PARD3B: variants seen among roughly 807,000 people sequenced by gnomAD.
PARD3B encodes the protein par-3 family cell polarity regulator beta, also known as partitioning defective 3 homolog B.
PARD3B carries 103 observed loss-of-function variants against 130.2 expected under a neutral mutation model. That is an observed-to-expected ratio of 0.79 (90% CI 0.67 to 0.93). The LOEUF (loss-of-function observed/expected upper bound fraction) is 0.93. Ranked by LOEUF, PARD3B falls within the 40% of genes least tolerant of loss-of-function variation. PARD3B has a pLI of 0.00. For synonymous variants in PARD3B, 583 were observed against 553.2 expected, an observed-to-expected ratio of 1.05 and a Z score of -0.76; for missense variants, 1,609 against 1,499.2, an observed-to-expected ratio of 1.07 and a Z score of -1.21.
intron 4 of PARD3B, among the ~76,000 whole-genome samples, chr2:205,100,682 C>T (rs1178757579): frequency 6.6e-6 from 1 of 152,020 alleles, no homozygotes; most frequent in Admixed American, 6.6e-5. Context: ...CGGAAATATA[C>T]CCTTACATTT....
At chr2:205,414,234 C>T (rs927601347) in intron 19 of PARD3B, among the ~76,000 whole-genome samples, 5 of 152,126 alleles carry the variant, frequency 3.3e-5, no homozygotes, top group Middle Eastern at 3.2e-3. Context: ...GAGCCTTTGT[C>T]TTGTAAAATA....
At chr2:205,178,040 TCA>T (rs2035568209) in intron 13 of PARD3B, among the ~76,000 whole-genome samples, 1 of 146,728 alleles carries the variant, frequency 6.8e-6, no homozygotes, top group African/African-American at 2.5e-5. Flanking sequence ...GCACAGTGGC[TCA>T]CGCCTGTAAT....
intron 3 of PARD3B, among the ~76,000 whole-genome samples, chr2:205,020,405 G>A (rs1422495594): frequency 2.6e-5 from 4 of 152,052 alleles, no homozygotes; most frequent in Non-Finnish European, 5.9e-5. Context: ...ATTTGATATT[G>A]CACATAAAAC....
At chr2:205,299,282 A>T (rs1174222063) in intron 16 of PARD3B, among the ~76,000 whole-genome samples, 1 of 152,162 alleles carries the variant, frequency 6.6e-6, no homozygotes, top group African/African-American at 2.4e-5. Flanking sequence ...AAAAATAGTG[A>T]TGATAGTAAT....
intron 4 of PARD3B, among the ~76,000 whole-genome samples, chr2:205,090,761 A>G (rs1315338553): frequency 6.6e-6 from 1 of 152,058 alleles, no homozygotes; most frequent in African/African-American, 2.4e-5. Flanking sequence ...GTGCTCTTGG[A>G]GCCTCTTGGG....
chr2:205,384,672 C>T (rs749744898), intron 18 of PARD3B, among the ~76,000 whole-genome samples: 7 of 152,072 alleles, frequency 4.6e-5, no homozygotes, highest in Non-Finnish European at 7.4e-5. Flanking sequence ...ATTGCATTAA[C>T]GCAGGCATTT....
At chr2:205,220,387 G>C (rs2038175114) in intron 15 of PARD3B, among the ~76,000 whole-genome samples, 1 of 152,090 alleles carries the variant, frequency 6.6e-6, no homozygotes, top group Non-Finnish European at 1.5e-5. Context: ...AGGTTCTCAT[G>C]TTTTCTTTGC....
intron 1 of PARD3B, among the ~76,000 whole-genome samples, chr2:204,656,740 T>C (rs576314514): frequency 6.6e-6 from 1 of 152,312 alleles, no homozygotes; most frequent in Non-Finnish European, 1.5e-5. Flanking sequence ...TCTAAATATT[T>C]TTTCACAGTA....
At chr2:204,549,111 A>G (rs2030239579) in intron 1 of PARD3B, among the ~76,000 whole-genome samples, 1 of 152,196 alleles carries the variant, frequency 6.6e-6, no homozygotes, top group Admixed American at 6.5e-5. Context: ...AACCCCCTGA[A>G]TCAACATCAG....
chr2:205,428,784 A>G (rs1240824131), intron 19 of PARD3B, among the ~76,000 whole-genome samples: 2 of 152,218 alleles, frequency 1.3e-5, no homozygotes, highest in South Asian at 2.1e-4. Context: ...TAGTATAAAC[A>G]TATGGGCTTT....
chr2:205,014,979 A>G (rs1211234731), intron 3 of PARD3B, among the ~76,000 whole-genome samples: 2 of 152,190 alleles, frequency 1.3e-5, no homozygotes, highest in Non-Finnish European at 2.9e-5. Context: ...ACCTCACATT[A>G]TGCAGTTGAC....
Position 205,241,998 on chromosome 2 carries a change from A to G in PARD3B, c.2141-3780A>G, listed in dbSNP as rs997016139. ...ATTTTACCTCATTTTCTCATTTGCT[A>G]CTGTTATTTAAATTACTTCCCAGCA... On this transcript the variant is annotated intron_variant, in intron 15 of 22. Coordinates refer to ENST00000406610, the MANE Select transcript of PARD3B (RefSeq NM_001302769.2). This position sits in a 1 kb window ranked among gnomAD's most constrained non-coding sequence, Gnocchi z 4.2. Among the ~76,000 whole-genome samples the G allele has an allele frequency of 1.3e-4, 20 of 152,194 alleles. No individual in the cohort carries two copies. The highest frequency in any genetic ancestry group is 4.8e-4 in the African/African-American group (20 of 41,458).
intron 4 of PARD3B, among the ~76,000 whole-genome samples, chr2:205,069,494 C>T (rs1307064691): frequency 6.6e-6 from 1 of 152,024 alleles, no homozygotes; most frequent in Non-Finnish European, 1.5e-5. Context: ...AGGTTTTCCC[C>T]ACCTTTTTTC....
chr2:205,047,829 T>C, intron 4 of PARD3B, 139 bp downstream of exon 4: 1 of 578,196 alleles, frequency 1.7e-6, no homozygotes, highest in South Asian at 2.4e-5. Context: ...GTTATACTAA[T>C]AGCTAGTATG....
At chr2:204,595,361 T>C (rs776009696) in intron 1 of PARD3B, among the ~76,000 whole-genome samples, 2 of 152,134 alleles carry the variant, frequency 1.3e-5, no homozygotes, top group South Asian at 4.1e-4. Context: ...GAAATTGAGA[T>C]GGAGTTTGGT....
chr2:204,563,729 A>G (rs143818889), intron 1 of PARD3B, among the ~76,000 whole-genome samples: 63 of 152,222 alleles, frequency 4.1e-4, no homozygotes, highest in African/African-American at 1.4e-3. Context: ...TTTGAGACTC[A>G]TGTATGTCCT....
intron 1 of PARD3B, among the ~76,000 whole-genome samples, chr2:204,591,801 A>G (rs1477024352): frequency 6.6e-6 from 1 of 152,170 alleles, no homozygotes; most frequent in Non-Finnish European, 1.5e-5. Context: ...GAACTTTTAC[A>G]TATTTTTTAG....
rs59814500 is a variant in PARD3B at position 205,309,893 on chromosome 2, C to CATCTATCT, written c.2630+8220_2630+8227dup. Among the ~76,000 whole-genome samples, 158 of 150,676 alleles carry CATCTATCT rather than the reference C, an allele frequency of 1.0e-3. 1 individual carries two copies. The highest frequency in any genetic ancestry group is 6.8e-3 in the Middle Eastern group (2 of 294). ...AACTTGATAGACATTACTTCTTATCCATCTATCTATCTATCTATCTATCTA... is the reference window on the plus strand; with the variant it reads ...AACTTGATAGACATTACTTCTTATCCATCTATCTATCTATCTATCTATCTATCTATCTA... On this transcript the variant is annotated intron_variant, in intron 18 of 22. Transcript: ENST00000406610. The surrounding 1 kb of genome is among the most constrained non-coding windows in gnomAD (Gnocchi z 4.7).
intron 22 of PARD3B, among the ~76,000 whole-genome samples, chr2:205,574,007 T>TA (rs538628048): frequency 4.6e-5 from 7 of 152,178 alleles, no homozygotes; most frequent in Non-Finnish European, 1.0e-4. Flanking sequence ...AAGAAATCCT[T>TA]ATATATTAAA....
Sources: allele counts gnomAD v4.1 joint callset (sites outside exome capture counted in the v4.1 genomes callset), GRCh38; gene constraint gnomAD v4.1.1; non-coding constraint Gnocchi (gnomAD v3.1); transcripts MANE v1.5; gene names NCBI Gene and HGNC (gene_info 2026-07-23, HGNC 2026-07-21).